Variants in DRP2 observed in about 807,000 individuals in gnomAD.
DRP2 encodes the protein dystrophin-related protein 2.
A neutral mutation model predicts 78.2 loss-of-function variants in DRP2; 29 were observed. That is an observed-to-expected ratio of 0.37 (90% CI 0.28 to 0.51). DRP2 has a LOEUF of 0.51. DRP2 is among the 20% of genes least tolerant of loss of function. The pLI is 0.94. For synonymous variants in DRP2, 290 were observed against 281.9 expected, an observed-to-expected ratio of 1.03 and a Z score of -0.29; for missense variants, 686 against 770.6, an observed-to-expected ratio of 0.89 and a Z score of 1.30.
intron 5 of DRP2, 39 bp downstream of exon 5, chrX:101,237,814 C>T: frequency 3.8e-6 from 4 of 1,065,744 alleles, no homozygotes; most frequent in Admixed American, 2.9e-5. Context: ...TGTAGCCTCT[C>T]AGCTGGGGAG....
At chrX:101,232,270 G>A (rs1922333951) in intron 3 of DRP2, among the ~76,000 whole-genome samples, 1 of 111,253 alleles carries the variant, frequency 9.0e-6, no homozygotes. Context: ...CTGTAGTAGT[G>A]CGATGGTGGT....
chrX:101,230,410 C>T (rs1922260650), intron 2 of DRP2, among the ~76,000 whole-genome samples: 2 of 111,068 alleles, frequency 1.8e-5, no homozygotes, highest in South Asian at 7.7e-4. Context: ...CCTGTAATCC[C>T]AGCTACTCAG....
chrX:101,231,938 T>C (rs1341096324), intron 3 of DRP2, among the ~76,000 whole-genome samples, 174 bp downstream of exon 3: 1 of 111,242 alleles, frequency 9.0e-6, no homozygotes, highest in African/African-American at 3.3e-5. Flanking sequence ...ATGTCTTTTA[T>C]TGGGGGGCAT....
Position 101,250,496 on chromosome X carries a change from C to T in DRP2, c.1614C>T (p.Ala538=), listed in dbSNP as rs755702686. 3 of 1,210,964 alleles carry T rather than the reference C, an allele frequency of 2.5e-6. No individual in the cohort carries two copies. The highest frequency in any genetic ancestry group is 3.4e-6 in the Non-Finnish European group (3 of 895,240). ...ACCTTGGTGTCCTGCTTCATGAGGCCATTCAGGTGCCCCGTCAGCTGGGTG... is the reference window on the plus strand; with the variant it reads ...ACCTTGGTGTCCTGCTTCATGAGGCTATTCAGGTGCCCCGTCAGCTGGGTG... ...QRHLGVLLHE[A]IQVPRQLGEV... Residue 538 remains alanine (A), a synonymous_variant, in exon 15 of 24, where the codon GCC becomes GCT. Coordinates refer to ENST00000395209, the MANE Select transcript of DRP2 (RefSeq NM_001939.3).
At chrX:101,244,906 A>G (rs943796106) in intron 9 of DRP2, 111 bp from the exon 10 acceptor site, 1 of 674,768 alleles carries the variant, frequency 1.5e-6, no homozygotes, top group Non-Finnish European at 2.2e-6. Flanking sequence ...AAATTCAGAC[A>G]TCCCCTTTTG....
chrX:101,258,933 TG>T (rs1478527581), intron 22 of DRP2, among the ~76,000 whole-genome samples: 1 of 112,064 alleles, frequency 8.9e-6, no homozygotes, highest in African/African-American at 3.2e-5. Flanking sequence ...TAGAAAGAAG[TG>T]GGTTGGGACA....
intron 6 of DRP2, among the ~76,000 whole-genome samples, chrX:101,240,264 C>T (rs1461307000): frequency 1.8e-5 from 2 of 111,483 alleles, no homozygotes; most frequent in Non-Finnish European, 3.8e-5. Flanking sequence ...CACTTCATAA[C>T]CCAGGCTGGA....
In DRP2 at chrX:101,224,181, G is replaced by GTTTTTTTTTTTTTTTTTTTT. The variant is rs1379202759; in HGVS notation, c.-166-423_-166-422insTTTTTTTTTTTTTTTTTTTT. ...TCCCAAGAATAATAAATGTTTGCTGGGTTTTTTTTGTTTTTTTTTTTTTTT... is the reference window on the plus strand; with the variant it reads ...TCCCAAGAATAATAAATGTTTGCTGGTTTTTTTTTTTTTTTTTTTTGTTTTTTTTGTTTTTTTTTTTTTTT... On this transcript the variant is annotated intron_variant, in intron 1 of 23. Transcript: ENST00000395209. 7.6e-4 allele frequency among the ~76,000 whole-genome samples: 36 copies of GTTTTTTTTTTTTTTTTTTTT among 47,650 alleles called. 7 individuals are homozygous for GTTTTTTTTTTTTTTTTTTTT. Among genetic ancestry groups the GTTTTTTTTTTTTTTTTTTTT allele is most frequent in the African/African-American group, 1.1e-3 (9 of 8,194 alleles). The allele number at this position is 47,650 out of a possible 115,157, so 41.4% of individuals were successfully genotyped here. A position where few individuals can be genotyped will look rare whatever the true frequency, so the allele number is the denominator to read the frequency against.
intron 5 of DRP2, among the ~76,000 whole-genome samples, chrX:101,238,293 A>G (rs770392157): frequency 1.4e-4 from 16 of 112,264 alleles, no homozygotes; most frequent in Non-Finnish European, 2.4e-4. Context: ...AGAATGAAAT[A>G]TAATACAGCA....
chrX:101,247,723 A>C (rs1428578020), intron 12 of DRP2, among the ~76,000 whole-genome samples: 1 of 112,241 alleles, frequency 8.9e-6, no homozygotes, highest in Non-Finnish European at 1.9e-5. Context: ...TCTCAGAACA[A>C]AACTTACAGA....
intron 17 of DRP2, 125 bp from the exon 18 acceptor site, chrX:101,254,300 G>C: frequency 1.2e-6 from 1 of 869,315 alleles, no homozygotes; most frequent in East Asian, 3.2e-5. Flanking sequence ...TCTAGGAGCA[G>C]GGTATGGTGG....
In DRP2 at chrX:101,237,616, C is replaced by T. The variant is rs771714859; in HGVS notation, c.282-3C>T. On this transcript the variant is annotated splice_polypyrimidine_tract_variant and splice_region_variant and intron_variant, in intron 4 of 23. Transcript: ENST00000395209. ...CATCACTGGTTTTACTCATTGTGTG[C>T]AGCGCTCGCCTAGAGGCCTTCTCAG... The T allele has an allele frequency of 1.4e-5, 15 of 1,087,957 alleles. 1 individual carries two copies. Among genetic ancestry groups the T allele is most frequent in the East Asian group, 9.8e-5 (3 of 30,516 alleles). 89.7% of individuals were successfully genotyped at this position (1,087,957 alleles called of 1,213,427 possible).
chrX:101,241,725 C>T lies in DRP2; in HGVS notation c.617C>T (p.Thr206Met), dbSNP rs765689698. 18 of 1,209,912 alleles carry T rather than the reference C, an allele frequency of 1.5e-5. No homozygotes were observed. Among genetic ancestry groups the T allele is most frequent in the East Asian group, 5.9e-5 (2 of 33,782 alleles). ...AGCCGCTTTGTATGGAAGCAGGCGACGGTGGCCAGTGAACTGTGGGAGAAG... is the reference window on the plus strand; with the variant it reads ...AGCCGCTTTGTATGGAAGCAGGCGATGGTGGCCAGTGAACTGTGGGAGAAG... ...NLSRFVWKQA[T>M]VASELWEKLT... Residue 206 changes from threonine (T) to methionine (M), a missense_variant, in exon 7 of 24, where the codon ACG (threonine) becomes ATG (methionine). Coordinates refer to ENST00000395209, the MANE Select transcript of DRP2 (RefSeq NM_001939.3).
In DRP2 at chrX:101,247,660, T is replaced by C. The variant is rs140998427; in HGVS notation, c.1253-429T>C. Among the ~76,000 whole-genome samples, 283 of 112,078 alleles carry C rather than the reference T, an allele frequency of 2.5e-3. 2 individuals carry two copies. The highest frequency in any genetic ancestry group is 8.9e-3 in the African/African-American group (274 of 30,857). ...GGGGGTAATTAAGATGTCCTCTTGA[T>C]GTATGTCACATTTCCCCAACCATAC... is the stretch of plus-strand genomic sequence containing the variant. On this transcript the variant is annotated intron_variant, in intron 12 of 23. Coordinates refer to ENST00000395209, the MANE Select transcript of DRP2 (RefSeq NM_001939.3).
chrX:101,234,530 C>T (rs1015842914), intron 3 of DRP2, among the ~76,000 whole-genome samples: 1 of 112,699 alleles, frequency 8.9e-6, no homozygotes, highest in African/African-American at 3.2e-5. Context: ...GCCTCCTGGC[C>T]TGGCTCAGCC....
At position 101,262,008 on chromosome X, in the gene DRP2, T is replaced by A. The variant is rs1923572095; in HGVS notation, c.*1387T>A. ...TAAGTTTATATACATACATATCTATTCTACATATCTACTGTACATCAGTGC... is the reference window on the plus strand; with the variant it reads ...TAAGTTTATATACATACATATCTATACTACATATCTACTGTACATCAGTGC... On this transcript the variant is annotated 3_prime_UTR_variant, in exon 24 of 24. Coordinates refer to ENST00000395209, the MANE Select transcript of DRP2 (RefSeq NM_001939.3). 8.9e-6 allele frequency: 1 copy of A among 112,199 alleles called. No individual in the cohort carries two copies. Among genetic ancestry groups the A allele is most frequent in the Non-Finnish European group, 1.9e-5 (1 of 53,261 alleles). The allele number at this position is 112,199 out of a possible 1,213,427, so 9.2% of individuals were successfully genotyped here. A position where few individuals can be genotyped will look rare whatever the true frequency, so the allele number is the denominator to read the frequency against.
chrX:101,245,957 T>C (rs1214202418), intron 11 of DRP2, among the ~76,000 whole-genome samples: 1 of 112,173 alleles, frequency 8.9e-6, no homozygotes, highest in Non-Finnish European at 1.9e-5. Flanking sequence ...GTTGGAACTT[T>C]TTGGAAGTGA....
chrX:101,240,873 G>A (rs774418941), intron 6 of DRP2, among the ~76,000 whole-genome samples: 6 of 111,955 alleles, frequency 5.4e-5, no homozygotes, highest in Non-Finnish European at 1.1e-4. Context: ...GTTAGCCTGG[G>A]GCTATGGGGC....
rs144037379 is a variant in DRP2 at position 101,234,510 on chromosome X, G to A, written c.118-1350G>A. 7.7e-3 allele frequency among the ~76,000 whole-genome samples: 867 copies of A among 112,741 alleles called. 5 individuals are homozygous for A. The highest frequency in any genetic ancestry group is 0.014 in the Middle Eastern group (3 of 215). On this transcript the variant is annotated intron_variant, in intron 3 of 23. Transcript: ENST00000395209. ...TCCTGGGGGGTCAGTAAACAAACAG[G>A]GTGACCCCTGCCTCCTGGCCTGGCT...
Sources: allele counts gnomAD v4.1 joint callset (sites outside exome capture counted in the v4.1 genomes callset), GRCh38; gene constraint gnomAD v4.1.1; transcripts MANE v1.5; gene names NCBI Gene and HGNC (gene_info 2026-07-23, HGNC 2026-07-21).